ZNF362: variants seen among roughly 807,000 people sequenced by gnomAD.
ZNF362 encodes the protein rotund homolog.
In ZNF362, 11 loss-of-function variants were observed where a neutral mutation model predicts 42.9. That is an observed-to-expected ratio of 0.26 (90% CI 0.16 to 0.42). The LOEUF is 0.42. Ranked by LOEUF, ZNF362 falls within the 20% of genes least tolerant of loss-of-function variation. ZNF362 has a pLI of 1.00. For synonymous variants in ZNF362, 255 were observed against 257.3 expected, an observed-to-expected ratio of 0.99 and a Z score of 0.09; for missense variants, 362 against 576.2, an observed-to-expected ratio of 0.63 and a Z score of 3.81.
the ZNF362 span, chr1:33,181,069 G>T: frequency 6.3e-7 from 1 of 1,599,902 alleles, no homozygotes. The surrounding 1 kb of genome is among the most constrained non-coding windows in gnomAD (Gnocchi z 6.5). Flanking sequence ...ACCTGATGCT[G>T]CTCGTGCAGT....
At chr1:33,273,469 A>G (rs890454557) in intron 2 of ZNF362, among the ~76,000 whole-genome samples, 1 of 152,194 alleles carries the variant, frequency 6.6e-6, no homozygotes, top group Non-Finnish European at 1.5e-5. Flanking sequence ...TGATCAGGGT[A>G]GTGGCTCTGA....
intron 6 of ZNF362, among the ~76,000 whole-genome samples, chr1:33,292,888 C>T (rs904089244): frequency 4.6e-5 from 7 of 152,172 alleles, no homozygotes; most frequent in African/African-American, 7.2e-5. Context: ...ATTGTAGAGA[C>T]GGTGCAGCAG....
chr1:33,232,768 G>A, the ZNF362 span, among the ~76,000 whole-genome samples: 1,437 of 152,280 alleles, frequency 9.4e-3, 21 homozygotes, highest in African/African-American at 0.032. Context: ...GGCTTAAGCC[G>A]TATTTAGTTG....
chr1:33,218,793 T>TG, the ZNF362 span, among the ~76,000 whole-genome samples: 863 of 152,196 alleles, frequency 5.7e-3, 10 homozygotes, highest in African/African-American at 0.019. Flanking sequence ...TCAGGGTCCG[T>TG]GGAGTTGGGC....
At chr1:33,134,708 A>C in the ZNF362 span, among the ~76,000 whole-genome samples, 1 of 152,218 alleles carries the variant, frequency 6.6e-6, no homozygotes, top group Non-Finnish European at 1.5e-5. Flanking sequence ...CTAGGAGTAC[A>C]TGCGGGTCTC....
chr1:33,223,200 G>A, the ZNF362 span, among the ~76,000 whole-genome samples: 5 of 152,090 alleles, frequency 3.3e-5, no homozygotes, highest in African/African-American at 1.2e-4. Flanking sequence ...GCAGTGAGCC[G>A]AGATTGAGCC....
At position 33,281,858 on chromosome 1, in the gene ZNF362, ACC is replaced by A; in HGVS notation, c.908+49_908+50del. 6.3e-7 allele frequency: 1 copy of A among 1,597,700 alleles called. No individual in the cohort carries two copies. The highest frequency in any genetic ancestry group is 8.6e-7 in the Non-Finnish European group (1 of 1,167,638). Reference sequence around the variant, plus strand: ...CTGCTGCAGCCCGACTCAGCTCAGCACCCGTGGCCTGGCACATGGAGCCAGTG... The same window carrying A: ...CTGCTGCAGCCCGACTCAGCTCAGCACGTGGCCTGGCACATGGAGCCAGTG... On this transcript the variant is annotated intron_variant, in intron 6 of 8. Transcript: ENST00000539719. This position sits in a 1 kb window ranked among gnomAD's most constrained non-coding sequence, Gnocchi z 4.8.
chr1:33,214,390 T>C, the ZNF362 span, among the ~76,000 whole-genome samples: 1 of 152,182 alleles, frequency 6.6e-6, no homozygotes, highest in Non-Finnish European at 1.5e-5. Context: ...ACTGTGAAAC[T>C]ACTAAAAGGA....
In ZNF362 at chr1:33,276,433, C is replaced by T. The variant is rs1408349448; in HGVS notation, c.188C>T (p.Ala63Val). ...CCGCCTCACCTGCCGCCCACGTCGGCCTCGTCGCAGCAGCCGTTGCTAGTG... is the reference window on the plus strand; with the variant it reads ...CCGCCTCACCTGCCGCCCACGTCGGTCTCGTCGCAGCAGCCGTTGCTAGTG... Reference protein sequence around the residue: ...IRPPHLPPTSASSQQPLLVPP... With the variant: ...IRPPHLPPTSVSSQQPLLVPP... Residue 63 changes from alanine to valine, a missense_variant, in exon 4 of 9, where the codon GCC becomes GTC. Coordinates refer to ENST00000539719, the MANE Select transcript of ZNF362 (RefSeq NM_152493.3). 1.9e-6 allele frequency: 3 copies of T among 1,581,718 alleles called. No homozygotes were observed. Among genetic ancestry groups the T allele is most frequent in the African/African-American group, 2.7e-5 (2 of 74,202 alleles).
At chr1:33,199,554 T>C in the ZNF362 span, among the ~76,000 whole-genome samples, 1 of 152,124 alleles carries the variant, frequency 6.6e-6, no homozygotes, top group African/African-American at 2.4e-5. Flanking sequence ...AAGAAAATGA[T>C]ACAAGATGGA....
chr1:33,210,132 G>T, the ZNF362 span, among the ~76,000 whole-genome samples: 1 of 152,080 alleles, frequency 6.6e-6, no homozygotes, highest in African/African-American at 2.4e-5. Context: ...TTGTGTCTTT[G>T]TTCTTATTGG....
At chr1:33,271,979 G>A (rs977594895) in intron 2 of ZNF362, among the ~76,000 whole-genome samples, 13 of 152,240 alleles carry the variant, frequency 8.5e-5, no homozygotes, top group East Asian at 3.9e-4. Context: ...TGGGGACTTC[G>A]GGCTTGGCTG....
At chr1:33,224,168 G>A in the ZNF362 span, among the ~76,000 whole-genome samples, 226 of 152,260 alleles carry the variant, frequency 1.5e-3, no homozygotes, top group Non-Finnish European at 2.8e-3. Context: ...TAGGAGTCCA[G>A]ATATTGGCAC....
At chr1:33,133,567 C>T in the ZNF362 span, among the ~76,000 whole-genome samples, 1 of 152,306 alleles carries the variant, frequency 6.6e-6, no homozygotes, top group Non-Finnish European at 1.5e-5. Context: ...GAGAGCAGGG[C>T]CGGGATGGTG....
At chr1:33,214,710 A>G in the ZNF362 span, among the ~76,000 whole-genome samples, 2 of 152,250 alleles carry the variant, frequency 1.3e-5, no homozygotes, top group African/African-American at 4.8e-5. Flanking sequence ...TTCTCCAAAG[A>G]AGACCTACAA....
At chr1:33,197,592 CA>C in the ZNF362 span, among the ~76,000 whole-genome samples, 1 of 152,146 alleles carries the variant, frequency 6.6e-6, no homozygotes, top group Non-Finnish European at 1.5e-5. Context: ...CTCTGGGAAA[CA>C]AGCAAGGTGA....
At chr1:33,238,612 G>A in the ZNF362 span, among the ~76,000 whole-genome samples, 1 of 151,920 alleles carries the variant, frequency 6.6e-6, no homozygotes, top group Admixed American at 6.6e-5. Flanking sequence ...AGTTGTTATG[G>A]ACTGAATTGT....
intron 6 of ZNF362, among the ~76,000 whole-genome samples, chr1:33,288,765 A>AAAAAAAAAAAAAAAAAG (rs1646051958): frequency 7.5e-6 from 1 of 133,618 alleles, no homozygotes; most frequent in Admixed American, 7.8e-5. Context: ...AAAAAAAAGA[A>AAAAAAAAAAAAAAAAAG]GCGTGACCAC....
chr1:33,197,487 C>T, the ZNF362 span, among the ~76,000 whole-genome samples: 1 of 152,152 alleles, frequency 6.6e-6, no homozygotes, highest in Admixed American at 6.5e-5. Context: ...GTCACATATG[C>T]GTCCATCATT....
Sources: allele counts gnomAD v4.1 joint callset (sites outside exome capture counted in the v4.1 genomes callset), GRCh38; gene constraint gnomAD v4.1.1; non-coding constraint Gnocchi (gnomAD v3.1); transcripts MANE v1.5; gene names NCBI Gene and HGNC (gene_info 2026-07-23, HGNC 2026-07-21).